Variants in USP15 observed in about 807,000 individuals in gnomAD.
USP15 encodes the protein ubiquitin carboxyl-terminal hydrolase 15.
USP15 carries 18 observed loss-of-function variants against 127.1 expected under a neutral mutation model. That is an observed-to-expected ratio of 0.14 (90% CI 0.10 to 0.21). USP15 has a LOEUF of 0.21. Among genes scored for constraint, USP15 ranks in the 10% least tolerant of loss-of-function variants. The probability of loss-of-function intolerance (pLI) is 1.00; values close to 1 mark genes in which losing one functional copy is unlikely to be tolerated. For synonymous variants in USP15, 364 were observed against 393.7 expected (o/e 0.92, Z 0.89); for missense variants, 805 against 1,159.9 (o/e 0.69, Z 4.44).
At chr12:62,377,460 C>T (rs1485753947) in intron 8 of USP15, among the ~76,000 whole-genome samples, 1 of 152,232 alleles carries the variant, frequency 6.6e-6, no homozygotes, top group African/African-American at 2.4e-5. Context: ...TGGCTCACGC[C>T]TGTAATCCTA....
intron 20 of USP15, 130 bp downstream of exon 20, chr12:62,396,528 G>T: frequency 1.3e-6 from 1 of 761,028 alleles, no homozygotes; most frequent in South Asian, 1.7e-5. Flanking sequence ...GTTCAGTATT[G>T]ATTAATGAAT....
chr12:62,307,885 C>A lies in USP15; in HGVS notation c.348+4965C>A, dbSNP rs76928515. The stretch of plus-strand genomic sequence containing the variant: ...AGGTAGACATTTAATCATCTCATAT[C>A]ATTACAAGAAAAAGGGTGAGTACAA... On this transcript the variant is annotated intron_variant, in intron 3 of 21. Transcript: ENST00000280377. 1.8e-4 allele frequency among the ~76,000 whole-genome samples: 27 copies of A among 152,208 alleles called. 1 individual carries two copies. The East Asian group carries it at 5.0e-3, about 28-fold the overall frequency.
rs2067993308 is a variant in USP15 at position 62,409,786 on chromosome 12, A to G, written c.*5411A>G. The G allele has an allele frequency of 6.6e-6, 1 of 152,124 alleles. No individual in the cohort carries two copies. The highest frequency in any genetic ancestry group is 2.4e-5 in the African/African-American group (1 of 41,438). The allele number at this position is 152,124 out of a possible 1,614,324, so 9.4% of individuals were successfully genotyped here. A position where few individuals can be genotyped will look rare whatever the true frequency, so the allele number is the denominator to read the frequency against. On this transcript the variant is annotated 3_prime_UTR_variant, in exon 22 of 22. Coordinates refer to ENST00000280377, the MANE Select transcript of USP15 (RefSeq NM_001252078.2). ...TAATGACACATACTTAACATTTCCC[A>G]AGCTGTTGTTTTAAACCTTAAACAT...
At chr12:62,337,096 A>G (rs942913497) in intron 6 of USP15, among the ~76,000 whole-genome samples, 6 of 152,200 alleles carry the variant, frequency 3.9e-5, no homozygotes, top group African/African-American at 1.4e-4. Flanking sequence ...CTATCTTATG[A>G]GAAACGCCTA....
chr12:62,296,403 T>A (rs1179903487), intron 2 of USP15, among the ~76,000 whole-genome samples: 1 of 152,202 alleles, frequency 6.6e-6, no homozygotes, highest in Non-Finnish European at 1.5e-5. Context: ...TAATAACACA[T>A]GCTAACACTG....
intron 2 of USP15, among the ~76,000 whole-genome samples, chr12:62,300,176 T>C (rs931530405): frequency 2.0e-5 from 3 of 152,138 alleles, no homozygotes; most frequent in Non-Finnish European, 4.4e-5. Flanking sequence ...TTTTTTTTCT[T>C]TGTTGCTTGT....
At chr12:62,350,319 C>A (rs2137425873) in intron 7 of USP15, among the ~76,000 whole-genome samples, 1 of 152,042 alleles carries the variant, frequency 6.6e-6, no homozygotes, top group South Asian at 2.1e-4. Flanking sequence ...TATTTTCTAA[C>A]AGCTCAGAAA....
rs952565321 is a variant in USP15 at position 62,413,842 on chromosome 12, G to A, written c.*9467G>A. On this transcript the variant is annotated 3_prime_UTR_variant, in exon 22 of 22. Transcript: ENST00000280377. Reference sequence around the variant, plus strand: ...ACAACTTGGCTGTTTGGCTCAAGAGGCCTAGCTTTCAGCTTGCCTTGGCTT... The same window carrying A: ...ACAACTTGGCTGTTTGGCTCAAGAGACCTAGCTTTCAGCTTGCCTTGGCTT... 6.6e-6 allele frequency: 1 copy of A among 152,210 alleles called. No individual in the cohort carries two copies. The highest frequency in any genetic ancestry group is 6.5e-5 in the Admixed American group (1 of 15,274). The allele number at this position is 152,210 out of a possible 1,614,324, so 9.4% of individuals were successfully genotyped here. A position where few individuals can be genotyped will look rare whatever the true frequency, so the allele number is the denominator to read the frequency against.
At chr12:62,380,989 C>T (rs2066975827) in intron 8 of USP15, among the ~76,000 whole-genome samples, 1 of 152,080 alleles carries the variant, frequency 6.6e-6, no homozygotes, top group Non-Finnish European at 1.5e-5. Flanking sequence ...TGTACTGTCT[C>T]TTCTAAAAAT....
intron 8 of USP15, among the ~76,000 whole-genome samples, chr12:62,375,647 A>G (rs1390120339): frequency 1.3e-5 from 2 of 152,178 alleles, no homozygotes; most frequent in Non-Finnish European, 2.9e-5. Flanking sequence ...GTGTTTAAGA[A>G]TAAATAGGAA....
chr12:62,299,841 T>C (rs1443772238), intron 2 of USP15, among the ~76,000 whole-genome samples: 1 of 152,226 alleles, frequency 6.6e-6, no homozygotes, highest in Non-Finnish European at 1.5e-5. Context: ...TTGTCTGTCC[T>C]TTTTATTATA....
intron 20 of USP15, among the ~76,000 whole-genome samples, chr12:62,400,749 T>A (rs1014453096): frequency 3.3e-5 from 5 of 152,088 alleles, no homozygotes; most frequent in African/African-American, 1.2e-4. Flanking sequence ...AACTGCTAGC[T>A]AACAGTATAG....
At chr12:62,355,292 A>G (rs1015525270) in intron 7 of USP15, 39 bp from the exon 8 acceptor site, 3 of 1,532,344 alleles carry the variant, frequency 2.0e-6, no homozygotes, top group African/African-American at 2.8e-5. Context: ...ATATGTTGTA[A>G]TATAATTGGC....
intron 11 of USP15, among the ~76,000 whole-genome samples, chr12:62,388,117 A>ATTTTTTTTTTTTTTTTTTT (rs58192089): frequency 2.8e-5 from 3 of 106,586 alleles, no homozygotes; most frequent in Non-Finnish European, 3.6e-5. Flanking sequence ...AATGGTGAAG[A>ATTTTTTTTTTTTTTTTTTT]TTTTTTTTTT....
intron 1 of USP15, among the ~76,000 whole-genome samples, chr12:62,281,125 T>A (rs2063633819): frequency 6.6e-6 from 1 of 152,198 alleles, no homozygotes; most frequent in Non-Finnish European, 1.5e-5. Context: ...CATTGGGAAT[T>A]TTGGCAGATT....
chr12:62,379,127 C>G (rs1271678610), intron 8 of USP15, among the ~76,000 whole-genome samples: 1 of 150,210 alleles, frequency 6.7e-6, no homozygotes, highest in Non-Finnish European at 1.5e-5. Context: ...GGAGAAAACA[C>G]TGTAAGGAAA....
intron 6 of USP15, among the ~76,000 whole-genome samples, chr12:62,344,701 TG>T (rs1313722286): frequency 6.6e-6 from 1 of 152,208 alleles, no homozygotes; most frequent in East Asian, 1.9e-4. Flanking sequence ...AACTTCTGCC[TG>T]GTTATCCAGG....
intron 8 of USP15, among the ~76,000 whole-genome samples, chr12:62,360,940 C>T (rs1233145076): frequency 1.3e-5 from 2 of 151,214 alleles, no homozygotes; most frequent in Non-Finnish European, 3.0e-5. Flanking sequence ...TCAGTCAGGT[C>T]ATCTATCCAT....
intron 8 of USP15, among the ~76,000 whole-genome samples, chr12:62,362,017 AT>A (rs1214144104): frequency 1.3e-5 from 2 of 151,896 alleles, no homozygotes; most frequent in African/African-American, 2.4e-5. Context: ...AATGCAGGTT[AT>A]TTTTTTATAT....
Sources: allele counts gnomAD v4.1 joint callset (sites outside exome capture counted in the v4.1 genomes callset), GRCh38; gene constraint gnomAD v4.1.1; transcripts MANE v1.5; gene names NCBI Gene and HGNC (gene_info 2026-07-23, HGNC 2026-07-21).